Variants in FALEC observed in about 807,000 individuals in gnomAD.
The protein encoded by FALEC is focally amplified lncRNA on chromosome 1.
chr1:150,536,010 G>A, the FALEC span, among the ~76,000 whole-genome samples: 4 of 152,182 alleles, frequency 2.6e-5, no homozygotes, highest in African/African-American at 7.2e-5. Context: ...CCTGCTCTTC[G>A]GAATTTCTAA....
chr1:150,528,583 A>AT, the FALEC span, among the ~76,000 whole-genome samples: 665 of 140,894 alleles, frequency 4.7e-3, 9 homozygotes, highest in East Asian at 0.058. Context: ...ATTACTATTA[A>AT]TTTTTTTTTT....
the FALEC span, among the ~76,000 whole-genome samples, chr1:150,528,624 C>T: frequency 7.9e-5 from 12 of 151,142 alleles, no homozygotes; most frequent in Non-Finnish European, 1.6e-4. Context: ...CTCTGTCGCC[C>T]AGGCTGGAGT....
downstream of FALEC, among the ~76,000 whole-genome samples, chr1:150,522,096 A>G (rs1043388670): frequency 6.6e-6 from 1 of 151,572 alleles, no homozygotes; most frequent in Non-Finnish European, 1.5e-5. Flanking sequence ...AATACAAAAA[A>G]ATTAGCTGGG....
chr1:150,536,551 G>T, the FALEC span, among the ~76,000 whole-genome samples: 1 of 152,156 alleles, frequency 6.6e-6, no homozygotes, highest in South Asian at 2.1e-4. Flanking sequence ...CAATACTTTG[G>T]GAGGCTGATG....
chr1:150,533,343 G>C, the FALEC span, among the ~76,000 whole-genome samples: 1 of 151,646 alleles, frequency 6.6e-6, no homozygotes, highest in Non-Finnish European at 1.5e-5. Context: ...GCTGAGTAGG[G>C]CAAGATGGGC....
chr1:150,522,914 CAT>C (rs1261578244), downstream of FALEC, among the ~76,000 whole-genome samples: 234 of 58,762 alleles, frequency 4.0e-3, 20 homozygotes, highest in Non-Finnish European at 5.8e-3. Flanking sequence ...CATATATATA[CAT>C]ATATATATAC....
the FALEC span, among the ~76,000 whole-genome samples, chr1:150,531,700 T>C: frequency 1.3e-5 from 2 of 152,228 alleles, no homozygotes; most frequent in Admixed American, 6.5e-5. Flanking sequence ...ACTGACAGTT[T>C]CCTTAATTTT....
At chr1:150,522,976 TA>T (rs1560270882), downstream of FALEC, among the ~76,000 whole-genome samples, 125 of 50,194 alleles carry the variant, frequency 2.5e-3, 10 homozygotes, top group South Asian at 3.2e-3. Flanking sequence ...TATATATATA[TA>T]TATATATTTT....
chr1:150,525,448 A>G, the FALEC span, among the ~76,000 whole-genome samples: 3 of 151,236 alleles, frequency 2.0e-5, no homozygotes, highest in Non-Finnish European at 3.0e-5. Flanking sequence ...GAGTGAGACC[A>G]TGTCTTAAAA....
chr1:150,519,942 C>T (rs1278941205), downstream of FALEC, among the ~76,000 whole-genome samples: 1 of 151,918 alleles, frequency 6.6e-6, no homozygotes, highest in Non-Finnish European at 1.5e-5. Flanking sequence ...CACCTGAGGT[C>T]GGGAGTTCGA....
chr1:150,524,465 C>T, the FALEC span, among the ~76,000 whole-genome samples: 2 of 152,090 alleles, frequency 1.3e-5, no homozygotes, highest in Non-Finnish European at 2.9e-5. Flanking sequence ...AATCCAAAAC[C>T]AGAGTATAGT....
At chr1:150,522,949 GTATATATATATA>G (rs1156284115), downstream of FALEC, among the ~76,000 whole-genome samples, 8 of 21,658 alleles carry the variant, frequency 3.7e-4, no homozygotes, top group African/African-American at 1.5e-3. Context: ...GTGTGTGTGT[GTATATATATATA>G]TATATATATA....
downstream of FALEC, among the ~76,000 whole-genome samples, chr1:150,519,063 C>T (rs1188937003): frequency 6.6e-6 from 1 of 152,042 alleles, no homozygotes; most frequent in Non-Finnish European, 1.5e-5. Context: ...TCTCAACAAA[C>T]AAACAAATTA....
chr1:150,519,312 A>C (rs1670610115), downstream of FALEC, among the ~76,000 whole-genome samples: 1 of 152,188 alleles, frequency 6.6e-6, no homozygotes, highest in South Asian at 2.1e-4. Context: ...AAAAGCAGTC[A>C]TTTTGGATTT....
downstream of FALEC, among the ~76,000 whole-genome samples, chr1:150,520,411 A>G (rs2101455716): frequency 6.6e-6 from 1 of 152,254 alleles, no homozygotes; most frequent in Middle Eastern, 3.4e-3. Context: ...TAATGTGCCT[A>G]TAATATTTGT....
At chr1:150,518,137 TTACTG>T (rs377758100), downstream of FALEC, 8 of 152,324 alleles carry the variant, frequency 5.3e-5, no homozygotes, top group East Asian at 1.2e-3. Context: ...ATATGGTTGT[TTACTG>T]TACAATCTGT....
the FALEC span, among the ~76,000 whole-genome samples, chr1:150,535,246 A>ATT: frequency 6.6e-6 from 1 of 151,298 alleles, no homozygotes; most frequent in Non-Finnish European, 1.5e-5. Flanking sequence ...TTCTAACTTG[A>ATT]TTTTTTTTTC....
chr1:150,518,690 A>G (rs934247896), downstream of FALEC, among the ~76,000 whole-genome samples: 2 of 151,962 alleles, frequency 1.3e-5, no homozygotes, highest in Non-Finnish European at 2.9e-5. Flanking sequence ...GCCCAGCAAT[A>G]GAGTTACACC....
chr1:150,522,943 G>A (rs1393546803), downstream of FALEC, among the ~76,000 whole-genome samples: 4 of 3,794 alleles, frequency 1.1e-3, no homozygotes, highest in African/African-American at 3.3e-3. Context: ...ATGTGTGTGT[G>A]TGTGTGTATA....
Sources: gnomAD v4.1 joint callset for allele counts (sites outside exome capture counted in the v4.1 genomes callset) on GRCh38, gnomAD v4.1.1 for gene constraint, MANE v1.5 for transcripts, NCBI Gene and HGNC (gene_info 2026-07-23, HGNC 2026-07-21) for gene names.